KLKB1: variants seen among roughly 807,000 people sequenced by gnomAD.
The protein encoded by KLKB1 is plasma kallikrein.
Under a neutral mutation model 73.6 loss-of-function variants are expected in KLKB1, and 58 were observed. That is an observed-to-expected ratio of 0.79 (90% CI 0.64 to 0.98). The LOEUF is 0.98. Ranked by LOEUF, KLKB1 falls within the 50% of genes least tolerant of loss-of-function variation. The pLI, the probability that KLKB1 is intolerant of heterozygous loss-of-function variation, is 0.00. For synonymous variants in KLKB1, 280 were observed against 258.1 expected (o/e 1.08, Z -0.81); for missense variants, 737 against 763.8 (o/e 0.96, Z 0.41).
In KLKB1 at chr4:186,254,687, T is replaced by G; in HGVS notation, c.1413T>G (p.Ile471Met). 1 of 1,613,800 alleles carries G rather than the reference T, an allele frequency of 6.2e-7. No individual in the cohort carries two copies. The highest frequency in any genetic ancestry group is 8.5e-7 in the Non-Finnish European group (1 of 1,179,678). Residue 471 changes from isoleucine to methionine, a missense_variant, in exon 12 of 15, where the codon ATT becomes ATG. Physicochemically the swap from Ile to Met is conservative, Grantham distance 10. Coordinates refer to ENST00000264690, the MANE Select transcript of KLKB1 (RefSeq NM_000892.5). The stretch of plus-strand genomic sequence containing the variant: ...TCTCACAAATAAAAGAGATTATTAT[T>G]CACCAAAACTATAAAGTCTCAGAAG... ...TPFSQIKEII[I>M]HQNYKVSEGN... is the part of the protein sequence containing the mutation.
At chr4:186,213,846 A>G (rs1450046254) in intron 2 of KLKB1, among the ~76,000 whole-genome samples, 2 of 152,208 alleles carry the variant, frequency 1.3e-5, no homozygotes, top group East Asian at 3.8e-4. Flanking sequence ...CTAATGCCTG[A>G]GTGATACATT....
chr4:186,228,186 C>A lies in KLKB1; in HGVS notation c.-1-9C>A. The stretch of plus-strand genomic sequence containing the variant: ...AACCAGCAGAGTTATGTATTGTTTT[C>A]TTTTTTAGAATGATTTTATTCAAGC... On this transcript the variant is annotated splice_polypyrimidine_tract_variant and intron_variant, in intron 1 of 14. Coordinates refer to ENST00000264690, the MANE Select transcript of KLKB1 (RefSeq NM_000892.5). 1.3e-6 allele frequency: 2 copies of A among 1,496,370 alleles called. No homozygotes were observed. Among genetic ancestry groups the A allele is most frequent in the Non-Finnish European group, 1.9e-6 (2 of 1,073,422 alleles). The allele number at this position is 1,496,370 out of a possible 1,614,324, so 92.7% of individuals were successfully genotyped here. A position where few individuals can be genotyped will look rare whatever the true frequency, so the allele number is the denominator to read the frequency against.
At chr4:186,233,919 T>C in intron 3 of KLKB1, 33 bp from the exon 4 acceptor site, 1 of 1,435,450 alleles carries the variant, frequency 7.0e-7, no homozygotes, top group Non-Finnish European at 9.8e-7. Flanking sequence ...TGTTTATTAT[T>C]CTACTTCCTA....
At chr4:186,254,851 G>A in intron 12 of KLKB1, 88 bp downstream of exon 12, 1 of 1,211,304 alleles carries the variant, frequency 8.3e-7, no homozygotes, top group Non-Finnish European at 1.2e-6. Context: ...GACCTAGAGA[G>A]ACTGTCGTCG....
chr4:186,239,907 T>G (rs71640035), intron 6 of KLKB1, among the ~76,000 whole-genome samples: 39,992 of 116,740 alleles, frequency 0.34, 8,186 homozygotes, highest in Non-Finnish European at 0.37. Flanking sequence ...GATACTGTTA[T>G]AGTTATAGGT....
Position 186,258,278 on chromosome 4 carries a change from T to C in KLKB1, c.*66T>C. 1 of 1,335,638 alleles carries C rather than the reference T, an allele frequency of 7.5e-7. No homozygotes were observed. The highest frequency in any genetic ancestry group is 1.9e-5 in the Admixed American group (1 of 52,326). 82.7% of individuals were successfully genotyped at this position (1,335,638 alleles called of 1,614,324 possible). ...CAAGTCAAATTCTGAGCCTGGGGGG[T>C]CCTCATCTGCAAAGCATGGAGAGTG... is the stretch of plus-strand genomic sequence containing the variant. On this transcript the variant is annotated 3_prime_UTR_variant, in exon 15 of 15. Coordinates refer to ENST00000264690, the MANE Select transcript of KLKB1 (RefSeq NM_000892.5).
rs4253301 is a variant in KLKB1 at position 186,251,858 on chromosome 4, T to A, written c.1141T>A (p.Ser381Thr). Residue 381 changes from serine (S) to threonine (T), a missense_variant, in exon 10 of 15, where the codon TCT becomes ACT. By Grantham distance (58) the Ser-to-Thr change is moderately conservative (BLOSUM62 1). Transcript: ENST00000264690. ...GAGATTGTGTAACACTGGGGACAAC[T>A]CTGGTGAGTAACCTCACTTTTTCGT... ...SLRLCNTGDNSVCTTKTSTRI... is the reference protein window; with the variant it reads ...SLRLCNTGDNTVCTTKTSTRI... 1.2e-6 allele frequency: 2 copies of A among 1,610,892 alleles called. No individual in the cohort carries two copies. The highest frequency in any genetic ancestry group is 1.1e-5 in the South Asian group (1 of 91,028).
At chr4:186,235,988 C>G (rs1737653491) in intron 4 of KLKB1, among the ~76,000 whole-genome samples, 1 of 151,746 alleles carries the variant, frequency 6.6e-6, no homozygotes. Flanking sequence ...GTGGCGCGCG[C>G]CTGTAGTCCC....
intron 3 of KLKB1, 76 bp from the exon 4 acceptor site, chr4:186,233,876 T>G (rs962920384): frequency 6.1e-6 from 6 of 988,572 alleles, no homozygotes; most frequent in Non-Finnish European, 9.8e-6. Context: ...TATTTGTTAG[T>G]GTGTAGAAAA....
At chr4:186,250,132 A>G in intron 6 of KLKB1, 111 bp from the exon 7 acceptor site, 2 of 1,073,720 alleles carry the variant, frequency 1.9e-6, no homozygotes, top group South Asian at 1.3e-5. Flanking sequence ...TAGGATGTTT[A>G]GTACTATGAA....
intron 6 of KLKB1, among the ~76,000 whole-genome samples, chr4:186,247,106 T>C (rs764595107): frequency 1.3e-5 from 2 of 152,150 alleles, no homozygotes; most frequent in Non-Finnish European, 2.9e-5. Flanking sequence ...CTTGGGCTTG[T>C]TGGTCTGAGG....
chr4:186,211,822 C>T (rs1299443666), intron 2 of KLKB1: 1 of 152,134 alleles, frequency 6.6e-6, no homozygotes, highest in African/African-American at 2.4e-5. Context: ...GATTTTATAA[C>T]CTGGAGCAGA....
At chr4:186,216,833 G>A (rs1736915013) in intron 2 of KLKB1, among the ~76,000 whole-genome samples, 1 of 152,156 alleles carries the variant, frequency 6.6e-6, no homozygotes, top group South Asian at 2.1e-4. Flanking sequence ...TCCTTATGCT[G>A]ACCGCAGAGG....
At chr4:186,251,944 T>C (rs1372719698) in intron 10 of KLKB1, 73 bp from the exon 11 acceptor site, 2 of 1,609,322 alleles carry the variant, frequency 1.2e-6, no homozygotes, top group East Asian at 2.2e-5. Context: ...ATTATGTGTC[T>C]TGTTCTCCTT....
intron 2 of KLKB1, among the ~76,000 whole-genome samples, chr4:186,213,666 C>G (rs1005440411): frequency 7.9e-5 from 12 of 152,290 alleles, no homozygotes; most frequent in South Asian, 6.2e-4. Context: ...GATTTAGAGT[C>G]CAGAAACCTC....
rs1293757145 is a variant in KLKB1, at chr4:186,251,248, G to T, written c.788G>T (p.Ser263Ile). The change falls in exon 8 of 15, where the codon AGT becomes ATT. Residue 263 changes from serine (S) to isoleucine (I), a missense_variant. Coordinates refer to ENST00000264690, the MANE Select transcript of KLKB1 (RefSeq NM_000892.5). Reference sequence around the variant, plus strand: ...GTTTGTCTTCTTAAAACATCTGAAAGTGGCACACCAAGTTCCTCTACTCCT... The same window carrying T: ...GTTTGTCTTCTTAAAACATCTGAAATTGGCACACCAAGTTCCTCTACTCCT... ...RNVCLLKTSE[S>I]GTPSSSTPQE... 1 of 1,609,872 alleles carries T rather than the reference G, an allele frequency of 6.2e-7. No homozygotes were observed. Among genetic ancestry groups the T allele is most frequent in the Non-Finnish European group, 8.5e-7 (1 of 1,176,658 alleles).
At chr4:186,224,041 G>A (rs528500504), upstream of KLKB1, among the ~76,000 whole-genome samples, 44 of 152,360 alleles carry the variant, frequency 2.9e-4, no homozygotes, top group Non-Finnish European at 5.3e-4. Context: ...TCAGGCTGTC[G>A]CTTCAAGGGT....
intron 11 of KLKB1, among the ~76,000 whole-genome samples, 190 bp from the exon 12 acceptor site, chr4:186,254,398 A>G (rs1738868796): frequency 6.6e-6 from 1 of 152,236 alleles, no homozygotes; most frequent in Non-Finnish European, 1.5e-5. Context: ...CAATTTGTTA[A>G]ATAGAATCTT....
At chr4:186,222,084 G>A (rs1400868585), upstream of KLKB1, among the ~76,000 whole-genome samples, 1 of 152,098 alleles carries the variant, frequency 6.6e-6, no homozygotes. Flanking sequence ...AGCCACCTCT[G>A]CTTTCGTTTG....
Sources: gnomAD v4.1 joint callset for allele counts (sites outside exome capture counted in the v4.1 genomes callset) on GRCh38, gnomAD v4.1.1 for gene constraint, MANE v1.5 for transcripts, NCBI Gene and HGNC (gene_info 2026-07-23, HGNC 2026-07-21) for gene names.